The following SLC22A24 variants were observed in gnomAD, a reference collection of about 807,000 sequenced individuals.
The protein encoded by SLC22A24 is steroid transmembrane transporter SLC22A24.
SLC22A24 carries 53 observed loss-of-function variants against 49.8 expected under a neutral mutation model. That is an observed-to-expected ratio of 1.06 (90% CI 0.85 to 1.34). The LOEUF is 1.34. Ranked by LOEUF, SLC22A24 falls within the 40% of genes most tolerant of loss-of-function variation. The pLI, the probability that SLC22A24 is intolerant of heterozygous loss-of-function variation, is 0.00. For synonymous variants in SLC22A24, 302 were observed against 256.4 expected (o/e 1.18, Z -1.70); for missense variants, 786 against 675.9 (o/e 1.16, Z -1.81).
chr11:63,130,313 C>A (rs1249382648), intron 2 of SLC22A24, among the ~76,000 whole-genome samples: 1 of 152,100 alleles, frequency 6.6e-6, no homozygotes, highest in Non-Finnish European at 1.5e-5. Flanking sequence ...GCCTTGCATC[C>A]CAGGGATGAA....
intron 5 of SLC22A24, 64 bp from the exon 6 acceptor site, chr11:63,096,170 A>T: frequency 1.9e-6 from 2 of 1,061,832 alleles, no homozygotes; most frequent in Non-Finnish European, 2.8e-6. Flanking sequence ...GCATAGTGGT[A>T]AGTACTAGAG....
At chr11:63,084,568 T>C (rs1210452243) in intron 6 of SLC22A24, among the ~76,000 whole-genome samples, 1 of 152,048 alleles carries the variant, frequency 6.6e-6, no homozygotes, top group African/African-American at 2.4e-5. Flanking sequence ...GCCAAGTGGT[T>C]ACAGTGGAGG....
Position 63,094,157 on chromosome 11 carries a change from A to G in SLC22A24, c.1070+1834T>C, listed in dbSNP as rs576372275. 3.6e-5 allele frequency among the ~76,000 whole-genome samples: 4 copies of G among 112,344 alleles called. No individual in the cohort carries two copies. In the South Asian group the frequency reaches 1.1e-3, roughly 31 times the overall value. 73.7% of individuals were successfully genotyped at this position (112,344 alleles called of 152,430 possible). A position where few individuals can be genotyped will look rare whatever the true frequency, so the allele number is the denominator to read the frequency against. ...CCCTCCCCCCTCCCCCGACCCCACA[A>G]CAGTCCCCAGAGTGTGATGTTCCCC... On this transcript the variant is annotated intron_variant, in intron 6 of 9. Transcript: ENST00000612278.
Position 63,135,935 on chromosome 11 carries a change from C to T in SLC22A24, c.403-1167G>A, listed in dbSNP as rs143824951. 1.3e-3 allele frequency among the ~76,000 whole-genome samples: 200 copies of T among 152,310 alleles called. 4 individuals carry two copies. The East Asian group carries it at 0.034, about 26-fold the overall frequency. On this transcript the variant is annotated intron_variant, in intron 1 of 9. Coordinates refer to ENST00000612278, the MANE Select transcript of SLC22A24 (RefSeq NM_001136506.2). ...ACAATGACCAGTTGAGAGCAATCAT[C>T]GAAGCTGATCCTCTTACAACTACGC...
intron 4 of SLC22A24, among the ~76,000 whole-genome samples, chr11:63,113,435 G>C (rs1386707445): frequency 2.0e-5 from 3 of 151,776 alleles, no homozygotes; most frequent in Non-Finnish European, 4.4e-5. Context: ...AGGAGTTCCT[G>C]TAAGGCAGGC....
intron 9 of SLC22A24, among the ~76,000 whole-genome samples, chr11:63,080,339 C>A (rs1335845757): frequency 6.6e-6 from 1 of 152,116 alleles, no homozygotes; most frequent in African/African-American, 2.4e-5. Flanking sequence ...TTAATTTTGT[C>A]TCCTCAAAAT....
At chr11:63,127,618 C>T (rs2087300901) in intron 2 of SLC22A24, among the ~76,000 whole-genome samples, 1 of 152,194 alleles carries the variant, frequency 6.6e-6, no homozygotes, top group Admixed American at 6.5e-5. Flanking sequence ...GTTCCTATTT[C>T]TCCACATCCT....
At chr11:63,103,621 A>T (rs999785470) in intron 5 of SLC22A24, among the ~76,000 whole-genome samples, 1 of 152,182 alleles carries the variant, frequency 6.6e-6, no homozygotes, top group Non-Finnish European at 1.5e-5. Context: ...AAAAATTCTC[A>T]GCTGTTTTTC....
intron 2 of SLC22A24, among the ~76,000 whole-genome samples, chr11:63,129,757 C>T (rs948343491): frequency 6.6e-6 from 1 of 151,680 alleles, no homozygotes; most frequent in African/African-American, 2.4e-5. Flanking sequence ...TGGGAGTTCA[C>T]TCATGATTTG....
intron 6 of SLC22A24, among the ~76,000 whole-genome samples, chr11:63,094,992 C>T (rs886838531): frequency 6.6e-6 from 1 of 152,064 alleles, no homozygotes; most frequent in Non-Finnish European, 1.5e-5. Context: ...TTAATTAGAT[C>T]CCATTTGTCA....
intron 2 of SLC22A24, among the ~76,000 whole-genome samples, chr11:63,130,577 G>T (rs147545538): frequency 6.6e-6 from 1 of 152,304 alleles, no homozygotes; most frequent in African/African-American, 2.4e-5. Context: ...ACCTATGGCA[G>T]AATTCGGCTG....
chr11:63,117,431 G>A (rs1024695853), intron 4 of SLC22A24, among the ~76,000 whole-genome samples: 1 of 152,098 alleles, frequency 6.6e-6, no homozygotes, highest in African/African-American at 2.4e-5. Context: ...ACTCAGTCAG[G>A]CAGTTTACAT....
chr11:63,095,562 GA>G (rs1565325724), intron 6 of SLC22A24, among the ~76,000 whole-genome samples: 1 of 152,112 alleles, frequency 6.6e-6, no homozygotes, highest in Non-Finnish European at 1.5e-5. Context: ...TAACTAGGGT[GA>G]AAGAGACATG....
At chr11:63,129,989 G>A (rs1038993107) in intron 2 of SLC22A24, among the ~76,000 whole-genome samples, 35 of 150,374 alleles carry the variant, frequency 2.3e-4, no homozygotes, top group African/African-American at 8.6e-4. Flanking sequence ...CCTGATTGCC[G>A]TGGCCAGAAC....
intron 4 of SLC22A24, among the ~76,000 whole-genome samples, chr11:63,106,691 A>AT (rs1376025631): frequency 1.4e-5 from 1 of 71,126 alleles, no homozygotes; most frequent in Non-Finnish European, 4.0e-5. Flanking sequence ...GATGATGAGC[A>AT]TTTTTTCATG....
chr11:63,106,940 C>G (rs1006232117), intron 4 of SLC22A24, among the ~76,000 whole-genome samples: 13 of 152,112 alleles, frequency 8.5e-5, no homozygotes, highest in Admixed American at 7.2e-4. Flanking sequence ...TTAATTAGAT[C>G]CCGTCTGTGA....
rs200877955 is a variant in SLC22A24 at position 63,125,124 on chromosome 11, C to CA, written c.507-5790dup. 9.9e-3 allele frequency among the ~76,000 whole-genome samples: 1,410 copies of CA among 143,132 alleles called. 30 individuals are homozygous for CA. Among genetic ancestry groups the CA allele is most frequent in the African/African-American group, 0.034 (1,340 of 39,210 alleles). 93.9% of individuals were successfully genotyped at this position (143,132 alleles called of 152,430 possible). A position where few individuals can be genotyped will look rare whatever the true frequency, so the allele number is the denominator to read the frequency against. ...ATAATAATACAAAAATAAAAAAAAA[C>CA]AAAAAAACATTTCATTGAAGTTTAT... On this transcript the variant is annotated intron_variant, in intron 2 of 9. Coordinates refer to ENST00000612278, the MANE Select transcript of SLC22A24 (RefSeq NM_001136506.2).
intron 4 of SLC22A24, among the ~76,000 whole-genome samples, chr11:63,117,040 A>G (rs1040525899): frequency 3.3e-5 from 5 of 152,014 alleles, no homozygotes; most frequent in Non-Finnish European, 5.9e-5. Context: ...AACTTAGTTG[A>G]TTCAAATCCT....
At chr11:63,116,039 G>T in intron 4 of SLC22A24, 1 of 335,808 alleles carries the variant, frequency 3.0e-6, no homozygotes, top group Non-Finnish European at 5.6e-6. Context: ...GCTTGAGGTG[G>T]GCAATGTAGG....
Sources: gnomAD v4.1 joint callset for allele counts (sites outside exome capture counted in the v4.1 genomes callset) on GRCh38, gnomAD v4.1.1 for gene constraint, MANE v1.5 for transcripts, NCBI Gene and HGNC (gene_info 2026-07-23, HGNC 2026-07-21) for gene names.